The following KHDRBS2 variants were observed in gnomAD, a reference collection of about 807,000 sequenced individuals.
The protein encoded by KHDRBS2 is KH RNA binding domain containing, signal transduction associated 2, also known as KH domain-containing, RNA-binding, signal transduction-associated protein 2.
Under a neutral mutation model 44.3 loss-of-function variants are expected in KHDRBS2, and 26 were observed. The ratio of observed to expected loss-of-function variants is 0.59; its 90% CI spans 0.43 to 0.81. The LOEUF (loss-of-function observed/expected upper bound fraction) is 0.81. KHDRBS2 is among the 40% of genes least tolerant of loss of function. KHDRBS2 has a pLI of 0.00. For synonymous variants in KHDRBS2, 194 were observed against 151.1 expected, an observed-to-expected ratio of 1.28 and a Z score of -2.08; for missense variants, 476 against 433.1, an observed-to-expected ratio of 1.10 and a Z score of -0.88.
chr6:61,758,789 G>T (rs548026608), intron 6 of KHDRBS2, among the ~76,000 whole-genome samples: 1 of 152,190 alleles, frequency 6.6e-6, no homozygotes, highest in East Asian at 1.9e-4. Flanking sequence ...CTAACTAAAT[G>T]ATTGCTGTAA....
chr6:62,194,773 T>C (rs1176048106), intron 1 of KHDRBS2, among the ~76,000 whole-genome samples: 3 of 151,780 alleles, frequency 2.0e-5, no homozygotes, highest in African/African-American at 4.8e-5. Context: ...TCCCAAAGTG[T>C]TGGAATTACA....
chr6:61,622,655 G>A, the KHDRBS2 span, among the ~76,000 whole-genome samples: 1 of 152,106 alleles, frequency 6.6e-6, no homozygotes, highest in South Asian at 2.1e-4. Context: ...GAAAGTGATG[G>A]CCCATTCTAA....
the KHDRBS2 span, among the ~76,000 whole-genome samples, chr6:61,557,646 C>T: frequency 7.2e-5 from 11 of 152,126 alleles, no homozygotes; most frequent in Admixed American, 3.9e-4. Context: ...GTAGTAGCCT[C>T]ATAGAGTGAG....
At chr6:61,829,429 G>T (rs1791447246) in intron 6 of KHDRBS2, among the ~76,000 whole-genome samples, 1 of 152,166 alleles carries the variant, frequency 6.6e-6, no homozygotes, top group Non-Finnish European at 1.5e-5. Flanking sequence ...CTCCCAAAGT[G>T]CTGGGATTAC....
chr6:61,908,489 C>G (rs1805443715), intron 4 of KHDRBS2, among the ~76,000 whole-genome samples: 2 of 151,832 alleles, frequency 1.3e-5, no homozygotes, highest in Non-Finnish European at 2.9e-5. Flanking sequence ...AAAAAATTAG[C>G]CGGGCGTGGT....
chr6:61,772,654 T>A (rs531867834), intron 6 of KHDRBS2, among the ~76,000 whole-genome samples: 2 of 152,108 alleles, frequency 1.3e-5, no homozygotes, highest in Non-Finnish European at 2.9e-5. Flanking sequence ...TTTTATTTTA[T>A]TATACTTTAA....
At chr6:61,660,160 A>G in the KHDRBS2 span, among the ~76,000 whole-genome samples, 3 of 151,860 alleles carry the variant, frequency 2.0e-5, no homozygotes, top group Non-Finnish European at 2.9e-5. Flanking sequence ...CTTTATACAC[A>G]GTGTAGTTCG....
At chr6:61,543,248 A>T in the KHDRBS2 span, among the ~76,000 whole-genome samples, 2 of 152,050 alleles carry the variant, frequency 1.3e-5, no homozygotes, top group Non-Finnish European at 1.5e-5. Flanking sequence ...TAATGATCTC[A>T]AAAAAACTCT....
At chr6:62,169,145 G>GTA (rs1562991614) in intron 2 of KHDRBS2, among the ~76,000 whole-genome samples, 5 of 62,452 alleles carry the variant, frequency 8.0e-5, no homozygotes, top group African/African-American at 4.4e-4. Context: ...ACACATATAT[G>GTA]TGTGTATATA....
chr6:61,560,544 G>A, the KHDRBS2 span, among the ~76,000 whole-genome samples: 1 of 151,720 alleles, frequency 6.6e-6, no homozygotes, highest in Non-Finnish European at 1.5e-5. Context: ...CAAATATCCT[G>A]TTCTTAAGCT....
intron 5 of KHDRBS2, 60 bp downstream of exon 5, chr6:61,901,184 A>C: frequency 6.5e-7 from 1 of 1,544,560 alleles, no homozygotes; most frequent in Non-Finnish European, 8.9e-7. Context: ...TCATGACATA[A>C]AGCAGGACAA....
chr6:61,559,353 G>GT, the KHDRBS2 span, among the ~76,000 whole-genome samples: 2,161 of 146,546 alleles, frequency 0.015, 38 homozygotes, highest in African/African-American at 0.047. Context: ...TTGGGTTTGG[G>GT]TTTTTTTTTT....
At chr6:61,873,303 A>G (rs1798931482) in intron 6 of KHDRBS2, among the ~76,000 whole-genome samples, 1 of 152,046 alleles carries the variant, frequency 6.6e-6, no homozygotes, top group Non-Finnish European at 1.5e-5. Context: ...AAGAACTCTT[A>G]CAAATAAATG....
intron 2 of KHDRBS2, among the ~76,000 whole-genome samples, chr6:62,104,777 C>T (rs1465082667): frequency 3.3e-5 from 5 of 151,200 alleles, no homozygotes; most frequent in South Asian, 2.1e-4. Flanking sequence ...TTTAAAAATT[C>T]GTAGTTACAA....
the KHDRBS2 span, among the ~76,000 whole-genome samples, chr6:61,616,557 T>C: frequency 1.4e-5 from 2 of 147,838 alleles, no homozygotes; most frequent in Admixed American, 6.8e-5. Flanking sequence ...TATTTGTAGA[T>C]GATCAAGTGA....
chr6:61,963,012 T>C (rs1334045603), intron 4 of KHDRBS2, among the ~76,000 whole-genome samples: 1 of 152,076 alleles, frequency 6.6e-6, no homozygotes, highest in Non-Finnish European at 1.5e-5. Flanking sequence ...CTGTTTTTAT[T>C]TCTCACACTG....
the KHDRBS2 span, among the ~76,000 whole-genome samples, chr6:61,598,568 G>A: frequency 6.6e-6 from 1 of 152,072 alleles, no homozygotes; most frequent in Non-Finnish European, 1.5e-5. Flanking sequence ...CTTTTTCCTG[G>A]GGGTAGAAAG....
At chr6:62,166,854 C>G (rs1462989063) in intron 2 of KHDRBS2, among the ~76,000 whole-genome samples, 1 of 151,954 alleles carries the variant, frequency 6.6e-6, no homozygotes, top group Non-Finnish European at 1.5e-5. Context: ...AGCAGAAGAT[C>G]CATCCGTGAG....
chr6:62,047,174 C>T (rs986958144), intron 3 of KHDRBS2, among the ~76,000 whole-genome samples: 11 of 151,864 alleles, frequency 7.2e-5, no homozygotes, highest in Admixed American at 4.6e-4. Context: ...AAATACATCC[C>T]GCCTTTCGCA....
Sources: allele counts gnomAD v4.1 joint callset (sites outside exome capture counted in the v4.1 genomes callset), GRCh38; gene constraint gnomAD v4.1.1; transcripts MANE v1.5; gene names NCBI Gene and HGNC (gene_info 2026-07-23, HGNC 2026-07-21).